The following ERC1 variants were observed in gnomAD, a reference collection of about 807,000 sequenced individuals.
The protein encoded by ERC1 is ELKS/RAB6-interacting/CAST family member 1.
In ERC1, 56 loss-of-function variants were observed where a neutral mutation model predicts 132.0. That is an observed-to-expected ratio of 0.42 (90% CI 0.34 to 0.53). ERC1 has a LOEUF of 0.53. Ranked by LOEUF, ERC1 falls within the 20% of genes least tolerant of loss-of-function variation. The pLI, the probability that ERC1 is intolerant of heterozygous loss-of-function variation, is 0.03. For synonymous variants in ERC1, 478 were observed against 476.1 expected, an observed-to-expected ratio of 1.00 and a Z score of -0.05; for missense variants, 1,202 against 1,349.9, an observed-to-expected ratio of 0.89 and a Z score of 1.72.
At chr12:1,465,857 T>A (rs576021989) in intron 18 of ERC1, among the ~76,000 whole-genome samples, 1 of 152,198 alleles carries the variant, frequency 6.6e-6, no homozygotes, top group Non-Finnish European at 1.5e-5. Context: ...CTGCATGCCC[T>A]GTGAGAATGT....
At position 1,492,758 on chromosome 12, in the gene ERC1, C is replaced by T. The variant is rs762494616; in HGVS notation, c.*2528C>T. The T allele has an allele frequency of 4.3e-6, 1 of 232,358 alleles. No individual in the cohort carries two copies. The highest frequency in any genetic ancestry group is 8.5e-6 in the Non-Finnish European group (1 of 117,492). 14.4% of individuals were successfully genotyped at this position (232,358 alleles called of 1,614,324 possible). A position where few individuals can be genotyped will look rare whatever the true frequency, so the allele number is the denominator to read the frequency against. ...GGAGTTCAGTAATAAACGTGGCCTT[C>T]GTGCTGTAGGGCAGAGTGGATGCAG... On this transcript the variant is annotated 3_prime_UTR_variant, in exon 19 of 19. Coordinates refer to ENST00000360905, the MANE Select transcript of ERC1 (RefSeq NM_178040.4).
chr12:1,140,784 G>T (rs913717297), intron 7 of ERC1, among the ~76,000 whole-genome samples: 1 of 152,004 alleles, frequency 6.6e-6, no homozygotes, highest in Non-Finnish European at 1.5e-5. Context: ...ATTGAGATGT[G>T]ATATAAAGGT....
intron 16 of ERC1, among the ~76,000 whole-genome samples, chr12:1,383,736 C>G (rs773143302): frequency 6.6e-6 from 1 of 152,212 alleles, no homozygotes; most frequent in Non-Finnish European, 1.5e-5. Flanking sequence ...GTGCCGTTTT[C>G]AGAAGCTGTA....
intron 5 of ERC1, among the ~76,000 whole-genome samples, chr12:1,111,465 C>G (rs999571587): frequency 2.6e-5 from 4 of 152,182 alleles, no homozygotes; most frequent in Non-Finnish European, 5.9e-5. Context: ...ATCACTTCCC[C>G]TCCAGTTTCT....
chr12:1,327,993 A>G (rs998691600), intron 15 of ERC1, among the ~76,000 whole-genome samples: 4 of 151,894 alleles, frequency 2.6e-5, no homozygotes, highest in African/African-American at 9.7e-5. Context: ...ACATATCTCC[A>G]CATCATTTTG....
chr12:1,157,747 A>G (rs980953942), intron 8 of ERC1, among the ~76,000 whole-genome samples: 2 of 152,218 alleles, frequency 1.3e-5, no homozygotes, highest in African/African-American at 4.8e-5. Context: ...AGGGTTTCAA[A>G]GAGGAGAGGA....
intron 2 of ERC1, among the ~76,000 whole-genome samples, chr12:1,030,891 A>G (rs553150627): frequency 1.3e-5 from 2 of 152,310 alleles, no homozygotes; most frequent in African/African-American, 4.8e-5. Context: ...GCTATATCCT[A>G]TATCCTAGGT....
At chr12:1,292,827 A>G (rs1000706406) in intron 15 of ERC1, among the ~76,000 whole-genome samples, 34 of 152,162 alleles carry the variant, frequency 2.2e-4, no homozygotes, top group Middle Eastern at 3.4e-3. Context: ...CCTGGCCAAC[A>G]TGGTGAAACC....
chr12:1,309,982 C>A (rs2081177986), intron 15 of ERC1, among the ~76,000 whole-genome samples: 1 of 150,998 alleles, frequency 6.6e-6, no homozygotes, highest in South Asian at 2.1e-4. Context: ...GAGTCTCGTG[C>A]TGTCGCCCAG....
intron 15 of ERC1, among the ~76,000 whole-genome samples, chr12:1,334,702 T>G (rs1209556176): frequency 3.3e-5 from 5 of 152,212 alleles, no homozygotes; most frequent in Non-Finnish European, 5.9e-5. Context: ...TAGGATTGCC[T>G]TGGCTGTTGG....
chr12:1,373,313 ACTTAT>A (rs1043254992), intron 16 of ERC1, among the ~76,000 whole-genome samples: 2 of 152,248 alleles, frequency 1.3e-5, no homozygotes. Context: ...CAGCAATATC[ACTTAT>A]CTTAAGTAGT....
Position 1,393,974 on chromosome 12 carries a change from C to G in ERC1, c.2926-14175C>G, listed in dbSNP as rs1466436750. 2.3e-5 allele frequency among the ~76,000 whole-genome samples: 3 copies of G among 132,140 alleles called. No homozygotes were observed. In the East Asian group the frequency reaches 6.4e-4, roughly 28 times the overall value. The allele number at this position is 132,140 out of a possible 152,430, so 86.7% of individuals were successfully genotyped here. ...GAGGTTGCAGTGAGCTGAGATTTCG[C>G]CACTGCACTCCAGCCTGGGTGACAG... On this transcript the variant is annotated intron_variant, in intron 16 of 18. Transcript: ENST00000360905.
At chr12:1,255,613 T>C (rs1226724631) in intron 13 of ERC1, among the ~76,000 whole-genome samples, 1 of 144,466 alleles carries the variant, frequency 6.9e-6, no homozygotes, top group East Asian at 2.0e-4. Flanking sequence ...CATCTGTTGC[T>C]TCCTGGCCTT....
At chr12:1,094,093 A>G (rs1943690305) in intron 3 of ERC1, among the ~76,000 whole-genome samples, 2 of 148,380 alleles carry the variant, frequency 1.3e-5, no homozygotes, top group Admixed American at 6.7e-5. Flanking sequence ...ATCTCAGCTC[A>G]CCGCAACCTC....
At chr12:1,079,300 G>C (rs1463544076) in intron 2 of ERC1, among the ~76,000 whole-genome samples, 2 of 150,858 alleles carry the variant, frequency 1.3e-5, no homozygotes, top group Non-Finnish European at 3.0e-5. Context: ...GATATACAGA[G>C]ATACAGATAG....
At chr12:1,325,163 A>G (rs971901490) in intron 15 of ERC1, among the ~76,000 whole-genome samples, 1 of 152,178 alleles carries the variant, frequency 6.6e-6, no homozygotes, top group African/African-American at 2.4e-5. Flanking sequence ...TAGGCAGAAC[A>G]TGGACTTTGA....
chr12:1,480,332 TCAG>T (rs1372918170), intron 18 of ERC1, among the ~76,000 whole-genome samples: 1 of 152,204 alleles, frequency 6.6e-6, no homozygotes, highest in Non-Finnish European at 1.5e-5. Flanking sequence ...TACAAGGTTT[TCAG>T]CACACGCACA....
Position 1,228,980 on chromosome 12 carries a change from T to C in ERC1, c.2352-7789T>C, listed in dbSNP as rs576627680. Among the ~76,000 whole-genome samples the C allele has an allele frequency of 2.0e-5, 3 of 152,338 alleles. No homozygotes were observed. The East Asian group carries it at 5.8e-4, about 29-fold the overall frequency. The stretch of plus-strand genomic sequence containing the variant: ...ATTGACCTGTAATTTTCTTTTCTTA[T>C]AGTATCCTTATCTGGCCTTGGTATA... On this transcript the variant is annotated intron_variant, in intron 12 of 18. Coordinates refer to ENST00000360905, the MANE Select transcript of ERC1 (RefSeq NM_178040.4).
At chr12:1,286,290 T>C (rs1388540849) in intron 14 of ERC1, among the ~76,000 whole-genome samples, 1 of 101,152 alleles carries the variant, frequency 9.9e-6, no homozygotes, top group Non-Finnish European at 2.0e-5. Context: ...CAAGACTCCA[T>C]CTCAAAAAAA....
Sources: allele counts gnomAD v4.1 joint callset (sites outside exome capture counted in the v4.1 genomes callset), GRCh38; gene constraint gnomAD v4.1.1; transcripts MANE v1.5; gene names NCBI Gene and HGNC (gene_info 2026-07-23, HGNC 2026-07-21).